TNFRSF21: variants seen among roughly 807,000 people sequenced by gnomAD.
TNFRSF21 encodes tumor necrosis factor receptor superfamily member 21.
Under a neutral mutation model 45.6 loss-of-function variants are expected in TNFRSF21, and 19 were observed. That is an observed-to-expected ratio of 0.42 (90% CI 0.29 to 0.61). The LOEUF is 0.61. TNFRSF21 is among the 20% of genes least tolerant of loss of function. The pLI is 0.23. For missense variants in TNFRSF21, 737 were observed against 851.5 expected (o/e 0.87, Z 1.67); for synonymous variants, 314 against 335.5 (o/e 0.94, Z 0.70).
chr6:47,273,657 G>T (rs1762458308), intron 3 of TNFRSF21, among the ~76,000 whole-genome samples: 1 of 152,162 alleles, frequency 6.6e-6, no homozygotes, highest in Non-Finnish European at 1.5e-5. Context: ...GGAAGTTCTG[G>T]CCAGGGCAAT....
chr6:47,307,580 C>T (rs755016392), intron 1 of TNFRSF21, among the ~76,000 whole-genome samples: 5 of 152,084 alleles, frequency 3.3e-5, no homozygotes, highest in Non-Finnish European at 5.9e-5. Flanking sequence ...CACTATGTTG[C>T]CCAGGCAAAT....
intron 4 of TNFRSF21, among the ~76,000 whole-genome samples, chr6:47,246,185 C>T (rs1764822584): frequency 6.6e-6 from 1 of 152,228 alleles, no homozygotes; most frequent in Non-Finnish European, 1.5e-5. Flanking sequence ...AGCTATAGAG[C>T]ACCCAGACAG....
chr6:47,292,796 G>T (rs2113867265), intron 1 of TNFRSF21, among the ~76,000 whole-genome samples: 1 of 152,254 alleles, frequency 6.6e-6, no homozygotes, highest in East Asian at 1.9e-4. Context: ...CATCTTTCCA[G>T]ACCCTTTTCT....
chr6:47,288,767 A>T (rs529415522), intron 1 of TNFRSF21, among the ~76,000 whole-genome samples: 118 of 152,304 alleles, frequency 7.7e-4, no homozygotes, highest in African/African-American at 2.7e-3. Context: ...ATTTTTTCAG[A>T]CGCTTTGCCT....
intron 4 of TNFRSF21, among the ~76,000 whole-genome samples, chr6:47,238,111 T>C (rs1764686114): frequency 1.3e-5 from 2 of 152,192 alleles, no homozygotes; most frequent in Admixed American, 6.5e-5. Flanking sequence ...ATAAATGTTG[T>C]TTTTAAAAGC....
At chr6:47,234,456 G>A (rs892576771) in intron 5 of TNFRSF21, among the ~76,000 whole-genome samples, 9 of 152,224 alleles carry the variant, frequency 5.9e-5, no homozygotes, top group Non-Finnish European at 1.2e-4. Flanking sequence ...CGGGCAGTGC[G>A]AGCTGCAAAG....
intron 3 of TNFRSF21, among the ~76,000 whole-genome samples, chr6:47,256,455 G>C (rs1026138931): frequency 2.6e-5 from 4 of 152,174 alleles, no homozygotes; most frequent in African/African-American, 9.7e-5. Flanking sequence ...GCCCCAGAGG[G>C]GAGGTTGCAG....
chr6:47,242,800 C>G (rs1190392290), intron 4 of TNFRSF21, among the ~76,000 whole-genome samples: 1 of 152,204 alleles, frequency 6.6e-6, no homozygotes, highest in Non-Finnish European at 1.5e-5. Flanking sequence ...GGAGCCCACT[C>G]ACGTTTGAAA....
chr6:47,253,360 G>A lies in TNFRSF21; in HGVS notation c.1405C>T (p.Arg469Trp), dbSNP rs770016456. 1.9e-5 allele frequency: 31 copies of A among 1,614,022 alleles called. No individual in the cohort carries two copies. Among genetic ancestry groups the A allele is most frequent in the Middle Eastern group, 1.6e-4 (1 of 6,062 alleles). Residue 469 changes from arginine (R) to tryptophan (W), a missense_variant, in exon 4 of 6, where the codon CGG (arginine) becomes TGG (tryptophan). Arg to Trp is a moderately radical substitution (Grantham distance 101). Coordinates refer to ENST00000296861, the MANE Select transcript of TNFRSF21 (RefSeq NM_014452.5). ...TGGGCGAGGCTGGCCTCGGGGCCCC[G>A]GATGGTCCAGTGCTGCAGAGCTGCG... ...AYAALQHWTI[R>W]GPEASLAQLI...
intron 4 of TNFRSF21, among the ~76,000 whole-genome samples, chr6:47,245,768 GA>G (rs564290812): frequency 3.0e-4 from 46 of 152,172 alleles, no homozygotes; most frequent in South Asian, 6.2e-4. Flanking sequence ...CTGCTATAAA[GA>G]AATACCTGAA....
At chr6:47,288,016 T>C (rs1280009316) in intron 1 of TNFRSF21, among the ~76,000 whole-genome samples, 2 of 152,194 alleles carry the variant, frequency 1.3e-5, no homozygotes, top group Non-Finnish European at 2.9e-5. Flanking sequence ...TGAAAATGTA[T>C]ACGCTATGAC....
chr6:47,282,610 A>C (rs1762585978), intron 3 of TNFRSF21, among the ~76,000 whole-genome samples: 1 of 152,186 alleles, frequency 6.6e-6, no homozygotes, highest in East Asian at 1.9e-4. Context: ...CAGAAAACTA[A>C]TAAAGAAAAA....
At chr6:47,306,939 G>A (rs910007267) in intron 1 of TNFRSF21, among the ~76,000 whole-genome samples, 5 of 152,170 alleles carry the variant, frequency 3.3e-5, no homozygotes, top group Admixed American at 2.0e-4. Flanking sequence ...TCCAGTACCT[G>A]ATGTCCGTTA....
At chr6:47,237,003 C>A (rs112146682) in intron 4 of TNFRSF21, among the ~76,000 whole-genome samples, 55 of 152,096 alleles carry the variant, frequency 3.6e-4, no homozygotes, top group African/African-American at 1.3e-3. Flanking sequence ...ACCAAAAGGT[C>A]CTATTAGTAA....
At chr6:47,279,043 T>C (rs1016960522) in intron 3 of TNFRSF21, among the ~76,000 whole-genome samples, 2 of 152,158 alleles carry the variant, frequency 1.3e-5, no homozygotes, top group African/African-American at 2.4e-5. Context: ...AAAAAGGAAA[T>C]ATGATCCAAG....
In TNFRSF21 at chr6:47,284,037, G is replaced by A. The variant is rs200445037; in HGVS notation, c.1144C>T (p.Arg382Trp). The change falls in exon 3 of 6, where the codon CGG becomes TGG. Residue 382 changes from arginine (R) to tryptophan (W), a missense_variant. By Grantham distance (101) the Arg-to-Trp change is moderately radical (BLOSUM62 -3). Transcript: ENST00000296861. ...TCCACAATGGCACTGGGATCCTGCCGGGGCCCCTTTTTCAGAGTCCTCGAG... is the reference window on the plus strand; with the variant it reads ...TCCACAATGGCACTGGGATCCTGCCAGGGCCCCTTTTTCAGAGTCCTCGAG... ...KSSRTLKKGPRQDPSAIVEKA... is the reference protein window; with the variant it reads ...KSSRTLKKGPWQDPSAIVEKA... The A allele has an allele frequency of 6.2e-4, 998 of 1,614,140 alleles. 8 individuals are homozygous for A. In the South Asian group the frequency reaches 8.6e-3, roughly 14 times the overall value.
chr6:47,299,340 C>T lies in TNFRSF21; in HGVS notation c.96+10076G>A, dbSNP rs571130686. On this transcript the variant is annotated intron_variant, in intron 1 of 5. Transcript: ENST00000296861. ...TGAAACCCCGCCTCTACTAAAAATA[C>T]AAAAATTAGCCAGGCAGGGTGGTGC... Among the ~76,000 whole-genome samples, 39 of 151,972 alleles carry T rather than the reference C, an allele frequency of 2.6e-4. 1 individual carries two copies. The South Asian group carries it at 7.1e-3, about 28-fold the overall frequency.
At position 47,286,402 on chromosome 6, in the gene TNFRSF21, GTAAAGGTCCCCACAGGGCAACTGC is replaced by G; in HGVS notation, c.266_289del (p.Ser89_Phe96del). 1 of 1,614,224 alleles carries G rather than the reference GTAAAGGTCCCCACAGGGCAACTGC, an allele frequency of 6.2e-7. No homozygotes were observed. The highest frequency in any genetic ancestry group is 1.7e-5 in the Admixed American group (1 of 60,026). The stretch of plus-strand genomic sequence containing the variant: ...TTTCTCTATGCCATTCTCATGCCTG[GTAAAGGTCCCCACAGGGCAACTGC>G]TGCAGACGCGCAGGCTTGTGTTGGT... On this transcript the variant is annotated inframe_deletion, in exon 2 of 6. Transcript: ENST00000296861.
At chr6:47,235,794 C>T (rs756955587) in intron 4 of TNFRSF21, among the ~76,000 whole-genome samples, 1 of 152,136 alleles carries the variant, frequency 6.6e-6, no homozygotes, top group African/African-American at 2.4e-5. Context: ...GTGTCAGTGG[C>T]TAGGAGGAGA....
Sources: allele counts gnomAD v4.1 joint callset (sites outside exome capture counted in the v4.1 genomes callset), GRCh38; gene constraint gnomAD v4.1.1; transcripts MANE v1.5; gene names NCBI Gene and HGNC (gene_info 2026-07-23, HGNC 2026-07-21).